The following CLSTN2 variants were observed in gnomAD, a reference collection of about 807,000 sequenced individuals.
CLSTN2 encodes calsyntenin-2.
CLSTN2 carries 48 observed loss-of-function variants against 101.2 expected under a neutral mutation model. The ratio of observed to expected loss-of-function variants is 0.47; its 90% CI spans 0.38 to 0.60. The LOEUF (loss-of-function observed/expected upper bound fraction) is 0.60. CLSTN2 is among the 20% of genes least tolerant of loss of function. The pLI, the probability that CLSTN2 is intolerant of heterozygous loss-of-function variation, is 0.00. For synonymous variants in CLSTN2, 481 were observed against 463.6 expected, an observed-to-expected ratio of 1.04 and a Z score of -0.48; for missense variants, 1,160 against 1,238.2, an observed-to-expected ratio of 0.94 and a Z score of 0.95.
chr3:140,367,511 CAAAAAAA>C (rs34398474), intron 2 of CLSTN2, among the ~76,000 whole-genome samples: 3 of 96,834 alleles, frequency 3.1e-5, no homozygotes, highest in African/African-American at 4.1e-5. Flanking sequence ...CACTTTGTCT[CAAAAAAA>C]AAAAAAAAAA....
At chr3:140,283,370 C>T (rs187362328) in intron 2 of CLSTN2, among the ~76,000 whole-genome samples, 17 of 152,312 alleles carry the variant, frequency 1.1e-4, no homozygotes, top group Middle Eastern at 6.8e-3. Context: ...CATGCCTGCA[C>T]ACACTAGTAC....
At chr3:140,093,439 T>C (rs930311098) in intron 1 of CLSTN2, among the ~76,000 whole-genome samples, 2 of 152,148 alleles carry the variant, frequency 1.3e-5, no homozygotes, top group Non-Finnish European at 2.9e-5. Flanking sequence ...CCTTCTCACT[T>C]GTACCCTGGT....
At chr3:140,524,464 A>T (rs1935097234) in intron 8 of CLSTN2, among the ~76,000 whole-genome samples, 1 of 152,220 alleles carries the variant, frequency 6.6e-6, no homozygotes, top group South Asian at 2.1e-4. Flanking sequence ...TTGAGTTAAG[A>T]TATCACGTCA....
intron 1 of CLSTN2, among the ~76,000 whole-genome samples, chr3:140,116,066 G>C (rs535907363): frequency 6.6e-6 from 1 of 152,074 alleles, no homozygotes; most frequent in Non-Finnish European, 1.5e-5. Context: ...GGCCGTTTTT[G>C]ACCCCTCCCA....
chr3:140,158,455 GA>G (rs1262113772), intron 1 of CLSTN2, among the ~76,000 whole-genome samples: 1 of 152,014 alleles, frequency 6.6e-6, no homozygotes, highest in Non-Finnish European at 1.5e-5. Flanking sequence ...CACTAGCTAT[GA>G]AAAAATTGAA....
chr3:140,018,487 T>G (rs1188657621), intron 1 of CLSTN2, among the ~76,000 whole-genome samples: 2 of 152,192 alleles, frequency 1.3e-5, no homozygotes, highest in African/African-American at 4.8e-5. Context: ...TGCAGCCTGC[T>G]GCATAGGGCA....
At chr3:140,540,590 C>A (rs1576618718) in intron 9 of CLSTN2, among the ~76,000 whole-genome samples, 1 of 152,106 alleles carries the variant, frequency 6.6e-6, no homozygotes, top group East Asian at 1.9e-4. Context: ...CATCAAGGGG[C>A]ATCCCCAGGA....
intron 9 of CLSTN2, among the ~76,000 whole-genome samples, chr3:140,534,044 A>G (rs1935313117): frequency 6.6e-6 from 1 of 152,138 alleles, no homozygotes; most frequent in African/African-American, 2.4e-5. Flanking sequence ...GGCTCCCCAG[A>G]ATGCCAGGTA....
chr3:139,990,143 A>G (rs913767783), intron 1 of CLSTN2, among the ~76,000 whole-genome samples: 1 of 152,218 alleles, frequency 6.6e-6, no homozygotes, highest in Non-Finnish European at 1.5e-5. Flanking sequence ...CACTGTTATT[A>G]TAATTGGAAA....
intron 1 of CLSTN2, among the ~76,000 whole-genome samples, chr3:139,993,266 CTCTT>C (rs1403380898): frequency 2.0e-5 from 3 of 152,134 alleles, no homozygotes; most frequent in African/African-American, 4.8e-5. Flanking sequence ...GATGGTCTCT[CTCTT>C]TCTCCTTCTA....
chr3:140,343,709 A>G (rs1055492670), intron 2 of CLSTN2, among the ~76,000 whole-genome samples: 2 of 152,208 alleles, frequency 1.3e-5, no homozygotes, highest in Admixed American at 6.5e-5. Context: ...CTTTTCTTTC[A>G]TGTTCATCCA....
chr3:140,475,248 G>A (rs564096747), intron 8 of CLSTN2, among the ~76,000 whole-genome samples: 2 of 152,336 alleles, frequency 1.3e-5, no homozygotes, highest in Admixed American at 1.3e-4. Context: ...ATAAAGGGAA[G>A]GAAGGGAAGT....
At chr3:140,485,579 C>A (rs546258707) in intron 8 of CLSTN2, among the ~76,000 whole-genome samples, 19 of 152,292 alleles carry the variant, frequency 1.2e-4, no homozygotes, top group African/African-American at 4.6e-4. Context: ...GCAGGCAGGC[C>A]TCCTTGAGCT....
intron 2 of CLSTN2, among the ~76,000 whole-genome samples, chr3:140,180,956 G>T (rs765558896): frequency 1.3e-5 from 2 of 152,172 alleles, no homozygotes; most frequent in Non-Finnish European, 2.9e-5. Context: ...TCATGCCTCA[G>T]GCCCTATAGG....
At chr3:140,208,932 G>A (rs774884364) in intron 2 of CLSTN2, among the ~76,000 whole-genome samples, 13 of 152,040 alleles carry the variant, frequency 8.6e-5, no homozygotes, top group South Asian at 2.1e-4. Context: ...CCACCCCACC[G>A]CCACCTTCAC....
chr3:140,384,554 G>T (rs1396293693), intron 2 of CLSTN2, among the ~76,000 whole-genome samples: 1 of 152,026 alleles, frequency 6.6e-6, no homozygotes, highest in African/African-American at 2.4e-5. Flanking sequence ...GGTGCCCAGG[G>T]GTCGCCTGGT....
At chr3:140,409,154 AG>A (rs1239518464) in intron 4 of CLSTN2, among the ~76,000 whole-genome samples, 1 of 152,246 alleles carries the variant, frequency 6.6e-6, no homozygotes, top group Non-Finnish European at 1.5e-5. Context: ...GTATACCATG[AG>A]CCTTGACTGC....
intron 2 of CLSTN2, among the ~76,000 whole-genome samples, chr3:140,358,122 T>A (rs567136086): frequency 2.4e-4 from 36 of 152,224 alleles, no homozygotes; most frequent in African/African-American, 8.4e-4. Flanking sequence ...TGTTAGAAGG[T>A]GGCCAACCAA....
At chr3:140,463,950 T>C (rs1032278410) in intron 7 of CLSTN2, among the ~76,000 whole-genome samples, 3 of 152,160 alleles carry the variant, frequency 2.0e-5, no homozygotes, top group Non-Finnish European at 4.4e-5. Flanking sequence ...ATCTTTCGCA[T>C]GAGGAATTTG....
Sources: gnomAD v4.1 joint callset for allele counts (sites outside exome capture counted in the v4.1 genomes callset) on GRCh38, gnomAD v4.1.1 for gene constraint, MANE v1.5 for transcripts, NCBI Gene and HGNC (gene_info 2026-07-23, HGNC 2026-07-21) for gene names.